POC1B: variants seen among roughly 807,000 people sequenced by gnomAD.
POC1B encodes the protein POC1 centriolar protein B, also known as POC1 centriolar protein homolog B.
In POC1B, 44 loss-of-function variants were observed where a neutral mutation model predicts 60.6. The ratio of observed to expected loss-of-function variants is 0.73; its 90% CI spans 0.57 to 0.93. The LOEUF (loss-of-function observed/expected upper bound fraction) is 0.93, where lower values mean the gene tolerates loss of function less well. Among genes scored for constraint, POC1B ranks in the 40% least tolerant of loss-of-function variants. The pLI, the probability that POC1B is intolerant of heterozygous loss-of-function variation, is 0.00. For missense variants in POC1B, 555 were observed against 572.3 expected (o/e 0.97, Z 0.31); for synonymous variants, 180 against 198.9 (o/e 0.90, Z 0.80).
At chr12:89,525,316 G>A in intron 1 of POC1B, 112 bp from the exon 2 acceptor site, 1 of 1,458,490 alleles carries the variant, frequency 6.9e-7, no homozygotes, top group Non-Finnish European at 9.0e-7. Context: ...CCACCCAGGC[G>A]GCGGCTTGGC....
chr12:89,444,367 G>A (rs1424708592), intron 10 of POC1B, among the ~76,000 whole-genome samples: 3 of 152,178 alleles, frequency 2.0e-5, no homozygotes, highest in African/African-American at 7.2e-5. Context: ...TAAAATACTG[G>A]CAAACTGAAT....
At chr12:89,521,976 A>T (rs1297311050) in intron 2 of POC1B, 3 of 398,876 alleles carry the variant, frequency 7.5e-6, no homozygotes, top group Non-Finnish European at 1.3e-5. Flanking sequence ...AAGCATTAAC[A>T]AAGGGAGGCA....
intron 7 of POC1B, 149 bp downstream of exon 7, chr12:89,470,212 C>G (rs948629922): frequency 2.7e-5 from 9 of 331,950 alleles, no homozygotes; most frequent in African/African-American, 2.0e-4. Flanking sequence ...AGGATAAAAA[C>G]AGCCTTGGAA....
At position 89,457,403 on chromosome 12, in the gene POC1B, A is replaced by G. The variant is rs78126701; in HGVS notation, c.1113+2235T>C. ...AGAAAGAGATACACATTGAAAATTT[A>G]AAGAAAAGCCCTTTGGAGATATTCT... On this transcript the variant is annotated intron_variant, in intron 10 of 11. Coordinates refer to ENST00000313546, the MANE Select transcript of POC1B (RefSeq NM_172240.3). Among the ~76,000 whole-genome samples, 655 of 152,366 alleles carry G rather than the reference A, an allele frequency of 4.3e-3. 9 individuals are homozygous for G. Among genetic ancestry groups the G allele is most frequent in the African/African-American group, 0.015 (613 of 41,592 alleles).
At chr12:89,517,633 A>C (rs1870507594) in intron 2 of POC1B, among the ~76,000 whole-genome samples, 1 of 141,960 alleles carries the variant, frequency 7.0e-6, no homozygotes, top group African/African-American at 2.7e-5. Flanking sequence ...ACTTGGTCTC[A>C]AAAAAAAAAA....
intron 10 of POC1B, among the ~76,000 whole-genome samples, chr12:89,445,137 C>T (rs1360641580): frequency 6.6e-6 from 1 of 152,172 alleles, no homozygotes; most frequent in Non-Finnish European, 1.5e-5. Flanking sequence ...ACATTCCATG[C>T]TCACGGATAG....
intron 10 of POC1B, among the ~76,000 whole-genome samples, chr12:89,450,239 G>C (rs1881985556): frequency 1.3e-5 from 2 of 150,562 alleles, no homozygotes; most frequent in Admixed American, 1.3e-4. Context: ...ATGGAGTCTT[G>C]CACTGTCGCC....
chr12:89,414,861 A>T (rs1192112686), downstream of POC1B, among the ~76,000 whole-genome samples: 1 of 152,190 alleles, frequency 6.6e-6, no homozygotes, highest in African/African-American at 2.4e-5. Flanking sequence ...ACAGCCTCCA[A>T]GTTTGCTCTA....
intron 2 of POC1B, chr12:89,524,333 C>G: frequency 1.9e-6 from 3 of 1,614,038 alleles, no homozygotes; most frequent in South Asian, 1.1e-5. Context: ...TCCCCAAGTG[C>G]ACGGGAATCT....
chr12:89,516,758 G>A (rs1162448848), intron 2 of POC1B, among the ~76,000 whole-genome samples: 1 of 152,122 alleles, frequency 6.6e-6, no homozygotes, highest in Non-Finnish European at 1.5e-5. Context: ...TCTCTCCAAA[G>A]GCTCTAGGGG....
intron 10 of POC1B, among the ~76,000 whole-genome samples, chr12:89,458,975 T>G (rs1385966634): frequency 6.6e-6 from 1 of 152,186 alleles, no homozygotes; most frequent in Non-Finnish European, 1.5e-5. Context: ...TCAACAAAAT[T>G]GTAAGTATTA....
At chr12:89,524,218 G>C (rs766451414) in intron 2 of POC1B, 3 of 1,613,822 alleles carry the variant, frequency 1.9e-6, no homozygotes, top group Admixed American at 3.3e-5. Context: ...TCGATGCAGG[G>C]AAATCCTGTC....
intron 10 of POC1B, among the ~76,000 whole-genome samples, chr12:89,446,391 G>A (rs1412303080): frequency 1.3e-5 from 2 of 152,268 alleles, no homozygotes; most frequent in Non-Finnish European, 2.9e-5. Context: ...AAGAAAATGT[G>A]GCACATATAC....
At chr12:89,470,615 T>G in intron 6 of POC1B, 121 bp from the exon 7 acceptor site, 26 of 695,602 alleles carry the variant, frequency 3.7e-5, no homozygotes, top group Middle Eastern at 3.1e-4. Context: ...AACAAAACTC[T>G]ATATGGCTCA....
chr12:89,402,029 G>A, the POC1B span, among the ~76,000 whole-genome samples: 4 of 152,210 alleles, frequency 2.6e-5, no homozygotes, highest in African/African-American at 9.6e-5. Flanking sequence ...ACCCCAAGGA[G>A]ATGAGAGATT....
chr12:89,466,377 T>C (rs1882685551), intron 9 of POC1B, among the ~76,000 whole-genome samples: 1 of 152,228 alleles, frequency 6.6e-6, no homozygotes, highest in Non-Finnish European at 1.5e-5. Context: ...ATAAGATTTT[T>C]TTTTGCTGTA....
At chr12:89,465,855 G>A (rs1301379293) in intron 9 of POC1B, among the ~76,000 whole-genome samples, 1 of 152,126 alleles carries the variant, frequency 6.6e-6, no homozygotes, top group East Asian at 1.9e-4. Flanking sequence ...AAAAAACAAA[G>A]AACAAAAACA....
At chr12:89,523,987 G>A (rs752036206) in intron 2 of POC1B, 7 of 1,613,900 alleles carry the variant, frequency 4.3e-6, no homozygotes, top group Admixed American at 1.7e-5. Context: ...GCTGATGTAA[G>A]TTTCAAGTTG....
chr12:89,431,523 A>G (rs2120679252), intron 10 of POC1B, among the ~76,000 whole-genome samples: 1 of 152,356 alleles, frequency 6.6e-6, no homozygotes. Context: ...CAACAAAAAA[A>G]GCCTTTTGCC....
Sources: allele counts gnomAD v4.1 joint callset (sites outside exome capture counted in the v4.1 genomes callset), GRCh38; gene constraint gnomAD v4.1.1; transcripts MANE v1.5; gene names NCBI Gene and HGNC (gene_info 2026-07-23, HGNC 2026-07-21).